Variants in NALF1 observed in about 807,000 individuals in gnomAD.
The protein encoded by NALF1 is NALCN channel auxiliary factor 1, also known as family with sequence similarity 155 member A.
NALF1 carries 3 observed loss-of-function variants against 48.4 expected under a neutral mutation model. That is an observed-to-expected ratio of 0.06 (90% CI 0.03 to 0.16). NALF1 has a LOEUF of 0.16. Ranked by LOEUF, NALF1 falls within the 10% of genes least tolerant of loss-of-function variation. NALF1 has a pLI of 1.00. For synonymous variants in NALF1, 262 were observed against 245.7 expected (o/e 1.07, Z -0.62); for missense variants, 526 against 571.5 (o/e 0.92, Z 0.81).
intron 1 of NALF1, among the ~76,000 whole-genome samples, chr13:107,686,265 C>T (rs1037368352): frequency 3.3e-5 from 5 of 152,102 alleles, no homozygotes; most frequent in African/African-American, 9.7e-5. Context: ...GGTAGGGAAG[C>T]GCCCACCTGG....
chr13:107,646,147 T>C (rs1425961024), intron 1 of NALF1, among the ~76,000 whole-genome samples: 2 of 152,102 alleles, frequency 1.3e-5, no homozygotes, highest in Non-Finnish European at 2.9e-5. Context: ...CATCTAACGT[T>C]TCTAGATGTT....
chr13:107,375,362 A>T (rs1290601482), intron 1 of NALF1, among the ~76,000 whole-genome samples: 1 of 152,198 alleles, frequency 6.6e-6, no homozygotes, highest in Admixed American at 6.5e-5. Context: ...AGCTATTTTA[A>T]TATTTTTTCA....
At chr13:107,823,865 G>C (rs915886215) in intron 1 of NALF1, among the ~76,000 whole-genome samples, 9 of 152,124 alleles carry the variant, frequency 5.9e-5, no homozygotes, top group African/African-American at 2.2e-4. Flanking sequence ...GCACAATGCG[G>C]ATAATAGTAA....
chr13:107,297,733 G>A (rs566241569), intron 1 of NALF1, among the ~76,000 whole-genome samples: 1 of 152,144 alleles, frequency 6.6e-6, no homozygotes, highest in African/African-American at 2.4e-5. Context: ...TAATAATCAG[G>A]CTTATTTTTA....
At chr13:107,656,603 T>A (rs1346172041) in intron 1 of NALF1, among the ~76,000 whole-genome samples, 1 of 152,084 alleles carries the variant, frequency 6.6e-6, no homozygotes, top group Non-Finnish European at 1.5e-5. Flanking sequence ...AATAGGGGGA[T>A]TCCTTAAAGA....
At chr13:107,539,714 AT>A (rs1876945025) in intron 1 of NALF1, among the ~76,000 whole-genome samples, 1 of 152,152 alleles carries the variant, frequency 6.6e-6, no homozygotes, top group Non-Finnish European at 1.5e-5. Flanking sequence ...TTATTTGGAT[AT>A]TTACTGACTT....
chr13:107,482,104 G>GTTTA (rs767171003), intron 1 of NALF1, among the ~76,000 whole-genome samples: 11 of 151,772 alleles, frequency 7.2e-5, no homozygotes, highest in Non-Finnish European at 1.3e-4. Flanking sequence ...ATGGACCTTG[G>GTTTA]GTAAAGCAGA....
At chr13:107,832,234 T>A (rs998176104) in intron 1 of NALF1, among the ~76,000 whole-genome samples, 1 of 151,816 alleles carries the variant, frequency 6.6e-6, no homozygotes, top group South Asian at 2.1e-4. Flanking sequence ...TAACATGTTA[T>A]CATTAATATA....
intron 2 of NALF1, among the ~76,000 whole-genome samples, chr13:107,210,145 T>C (rs1879731297): frequency 6.6e-6 from 1 of 152,020 alleles, no homozygotes; most frequent in Admixed American, 6.6e-5. Flanking sequence ...TAAAGTAACA[T>C]AAAAATTCTC....
At chr13:107,528,294 T>C (rs997520795) in intron 1 of NALF1, among the ~76,000 whole-genome samples, 8 of 152,094 alleles carry the variant, frequency 5.3e-5, no homozygotes, top group African/African-American at 1.9e-4. Flanking sequence ...TAATAAACGT[T>C]ATGTCATAAT....
chr13:107,637,649 G>A lies in NALF1; in HGVS notation c.915+228033C>T, dbSNP rs187554535. Among the ~76,000 whole-genome samples, 18 of 152,166 alleles carry A rather than the reference G, an allele frequency of 1.2e-4. 1 individual carries two copies. The highest frequency in any genetic ancestry group is 9.8e-4 in the Admixed American group (15 of 15,278). On this transcript the variant is annotated intron_variant, in intron 1 of 2. Coordinates refer to ENST00000375915, the MANE Select transcript of NALF1 (RefSeq NM_001080396.3). ...TGTGTCCAGTGCAGCCTGTGCATTCGACTGAAGCCCCTCTTTCTGCAGATC... is the reference window on the plus strand; with the variant it reads ...TGTGTCCAGTGCAGCCTGTGCATTCAACTGAAGCCCCTCTTTCTGCAGATC...
Position 107,758,719 on chromosome 13 carries a change from CAAAAAGAAAAAAAT to C in NALF1, c.915+106949_915+106962del, listed in dbSNP as rs535069297. Among the ~76,000 whole-genome samples the C allele has an allele frequency of 6.2e-4, 94 of 151,454 alleles. 1 individual carries two copies. The East Asian group carries it at 0.017, about 27-fold the overall frequency. ...CTGGTGACAGAGCGAGACTCCATCT[CAAAAAGAAAAAAAT>C]AAAAAGAAAAAGAAAAGCACGTATA... is the stretch of plus-strand genomic sequence containing the variant. On this transcript the variant is annotated intron_variant, in intron 1 of 2. Coordinates refer to ENST00000375915, the MANE Select transcript of NALF1 (RefSeq NM_001080396.3).
At chr13:107,475,257 T>C (rs1487974691) in intron 1 of NALF1, among the ~76,000 whole-genome samples, 2 of 152,214 alleles carry the variant, frequency 1.3e-5, no homozygotes, top group Non-Finnish European at 2.9e-5. Context: ...GTATAGCATT[T>C]TGTGTTCATA....
chr13:107,842,783 T>C (rs970612988), intron 1 of NALF1, among the ~76,000 whole-genome samples: 1 of 152,110 alleles, frequency 6.6e-6, no homozygotes, highest in African/African-American at 2.4e-5. Context: ...CCTAGGTTAT[T>C]AGTCATTCCT....
chr13:107,191,833 ATTTTTTT>A (rs66566638), intron 2 of NALF1, among the ~76,000 whole-genome samples: 5 of 112,224 alleles, frequency 4.5e-5, no homozygotes, highest in East Asian at 2.5e-4. Context: ...CACTATGCCT[ATTTTTTT>A]TTTTTTTTTT....
At chr13:107,400,804 A>G (rs1883791872) in intron 1 of NALF1, among the ~76,000 whole-genome samples, 1 of 152,198 alleles carries the variant, frequency 6.6e-6, no homozygotes, top group African/African-American at 2.4e-5. Context: ...AATCTTGAAG[A>G]ATATCCTAAA....
Position 107,434,835 on chromosome 13 carries a change from A to G in NALF1, c.916-224080T>C, listed in dbSNP as rs966734601. Reference sequence around the variant, plus strand: ...AGCTTAGCTGAAGGCCCAAAATGTAAACCATGCCCAGTAAATGTAATTATC... The same window carrying G: ...AGCTTAGCTGAAGGCCCAAAATGTAGACCATGCCCAGTAAATGTAATTATC... On this transcript the variant is annotated intron_variant, in intron 1 of 2. Coordinates refer to ENST00000375915, the MANE Select transcript of NALF1 (RefSeq NM_001080396.3). 4.6e-5 allele frequency among the ~76,000 whole-genome samples: 7 copies of G among 152,320 alleles called. No homozygotes were observed. The East Asian group carries it at 1.2e-3, about 25-fold the overall frequency.
chr13:107,287,407 C>T (rs1289129911), intron 1 of NALF1, among the ~76,000 whole-genome samples: 1 of 152,184 alleles, frequency 6.6e-6, no homozygotes, highest in Non-Finnish European at 1.5e-5. Flanking sequence ...ATGCACATGA[C>T]AAGCTGGTGG....
At chr13:107,512,608 G>C (rs866886158) in intron 1 of NALF1, among the ~76,000 whole-genome samples, 28 of 152,208 alleles carry the variant, frequency 1.8e-4, no homozygotes, top group African/African-American at 6.0e-4. Flanking sequence ...CTACAGAGCA[G>C]GGCTACCCCA....
Sources: allele counts gnomAD v4.1 joint callset (sites outside exome capture counted in the v4.1 genomes callset), GRCh38; gene constraint gnomAD v4.1.1; transcripts MANE v1.5; gene names NCBI Gene and HGNC (gene_info 2026-07-23, HGNC 2026-07-21).